The following KCNIP4 variants were observed in gnomAD, a reference collection of about 807,000 sequenced individuals.
KCNIP4 encodes potassium voltage-gated channel interacting protein 4.
KCNIP4 carries 12 observed loss-of-function variants against 34.0 expected under a neutral mutation model. The ratio of observed to expected loss-of-function variants is 0.35; its 90% CI spans 0.23 to 0.57. The LOEUF is 0.57. Among genes scored for constraint, KCNIP4 ranks in the 20% least tolerant of loss-of-function variants. KCNIP4 has a pLI of 0.83. For synonymous variants in KCNIP4, 124 were observed against 102.2 expected (o/e 1.21, Z -1.29); for missense variants, 238 against 311.7 (o/e 0.76, Z 1.78).
At chr4:21,580,902 T>C (rs1380582344) in intron 1 of KCNIP4, among the ~76,000 whole-genome samples, 3 of 152,068 alleles carry the variant, frequency 2.0e-5, no homozygotes, top group Non-Finnish European at 4.4e-5. Flanking sequence ...TCTCCTTTTG[T>C]AAGGATATGT....
intron 1 of KCNIP4, among the ~76,000 whole-genome samples, chr4:20,965,438 G>T: frequency 6.6e-6 from 1 of 152,128 alleles, no homozygotes; most frequent in Non-Finnish European, 1.5e-5. Context: ...AACTGTCGTG[G>T]TACAAGGTCT....
At chr4:21,345,111 T>C (rs1316172938) in intron 1 of KCNIP4, among the ~76,000 whole-genome samples, 1 of 152,034 alleles carries the variant, frequency 6.6e-6, no homozygotes, top group Non-Finnish European at 1.5e-5. Context: ...CACTTCTGAG[T>C]TTAGGTTATA....
chr4:21,708,945 G>A (rs1415415596), intron 1 of KCNIP4, among the ~76,000 whole-genome samples: 2 of 152,032 alleles, frequency 1.3e-5, no homozygotes, highest in Non-Finnish European at 2.9e-5. Context: ...TTCGAATTCA[G>A]CATGCTATTT....
intron 1 of KCNIP4, among the ~76,000 whole-genome samples, chr4:21,503,814 T>C (rs1487976036): frequency 6.6e-6 from 1 of 152,216 alleles, no homozygotes; most frequent in Non-Finnish European, 1.5e-5. Context: ...TTGATCAAGC[T>C]ATGCTTCATA....
intron 1 of KCNIP4, among the ~76,000 whole-genome samples, chr4:21,103,831 G>A (rs527706407): frequency 6.1e-5 from 9 of 148,548 alleles, no homozygotes; most frequent in Non-Finnish European, 8.9e-5. Flanking sequence ...GAGAACATGC[G>A]GTGTTTGGTT....
intron 1 of KCNIP4, among the ~76,000 whole-genome samples, chr4:21,352,168 C>T (rs1718070756): frequency 6.6e-6 from 1 of 152,152 alleles, no homozygotes; most frequent in African/African-American, 2.4e-5. Context: ...TCCAAGATGG[C>T]CAAATAGAAA....
intron 1 of KCNIP4, among the ~76,000 whole-genome samples, chr4:20,974,887 T>A (rs1441543536): frequency 6.6e-6 from 1 of 152,216 alleles, no homozygotes; most frequent in Non-Finnish European, 1.5e-5. Flanking sequence ...TAATAATAGG[T>A]ATGATGACTA....
intron 3 of KCNIP4, among the ~76,000 whole-genome samples, chr4:20,777,580 AC>A (rs1756481208): frequency 6.6e-6 from 1 of 152,154 alleles, no homozygotes; most frequent in Admixed American, 6.5e-5. Flanking sequence ...TTTACCAGTA[AC>A]CAAATCTGTC....
intron 1 of KCNIP4, among the ~76,000 whole-genome samples, chr4:21,181,358 G>T (rs1172569197): frequency 2.0e-5 from 3 of 152,040 alleles, no homozygotes; most frequent in Non-Finnish European, 4.4e-5. Context: ...CATTAAAGCT[G>T]CAGCTTCTCT....
intron 1 of KCNIP4, among the ~76,000 whole-genome samples, chr4:21,092,538 G>A (rs1304250564): frequency 1.3e-5 from 2 of 152,206 alleles, no homozygotes; most frequent in African/African-American, 2.4e-5. Flanking sequence ...GCCCTGAAAT[G>A]AGAGCCATTT....
At chr4:21,060,042 T>C (rs757944267) in intron 1 of KCNIP4, among the ~76,000 whole-genome samples, 13 of 152,270 alleles carry the variant, frequency 8.5e-5, no homozygotes, top group African/African-American at 2.9e-4. Flanking sequence ...CCTAAAAAGA[T>C]TGGAGATTTG....
chr4:21,538,593 C>A (rs1339101203), intron 1 of KCNIP4, among the ~76,000 whole-genome samples: 1 of 152,110 alleles, frequency 6.6e-6, no homozygotes, highest in African/African-American at 2.4e-5. Flanking sequence ...CATGGGGTTC[C>A]CAGTATTTCC....
intron 1 of KCNIP4, among the ~76,000 whole-genome samples, chr4:21,196,890 T>C (rs1302477734): frequency 6.6e-6 from 1 of 152,180 alleles, no homozygotes; most frequent in Non-Finnish European, 1.5e-5. Flanking sequence ...TAACCACCAA[T>C]CATTTTAAGA....
chr4:21,118,988 C>A (rs1244710481), intron 1 of KCNIP4, among the ~76,000 whole-genome samples: 3 of 152,132 alleles, frequency 2.0e-5, no homozygotes, highest in African/African-American at 7.2e-5. Flanking sequence ...ATCACGCCAT[C>A]CATTGAGTTT....
chr4:21,288,171 A>G (rs1451045328), intron 1 of KCNIP4, among the ~76,000 whole-genome samples: 1 of 152,174 alleles, frequency 6.6e-6, no homozygotes, highest in African/African-American at 2.4e-5. Flanking sequence ...AGACACATGC[A>G]CACACACATC....
intron 1 of KCNIP4, among the ~76,000 whole-genome samples, chr4:21,133,467 T>A (rs374957605): frequency 6.6e-6 from 1 of 152,258 alleles, no homozygotes; most frequent in African/African-American, 2.4e-5. Flanking sequence ...GCAACTCTTG[T>A]TTTCTTAAAC....
chr4:21,256,820 A>G (rs1761092357), intron 1 of KCNIP4, among the ~76,000 whole-genome samples: 1 of 152,170 alleles, frequency 6.6e-6, no homozygotes, highest in Non-Finnish European at 1.5e-5. Flanking sequence ...ACTTATGTCC[A>G]CCTTAGTAGC....
intron 1 of KCNIP4, among the ~76,000 whole-genome samples, chr4:20,943,914 G>T (rs1317310288): frequency 1.3e-5 from 2 of 152,156 alleles, no homozygotes; most frequent in East Asian, 1.9e-4. Flanking sequence ...AGAGCACAAG[G>T]AAGACTATGA....
chr4:21,361,916 A>G (rs992424263), intron 1 of KCNIP4, among the ~76,000 whole-genome samples: 3 of 152,094 alleles, frequency 2.0e-5, no homozygotes, highest in Admixed American at 6.6e-5. Flanking sequence ...GTGAGCTCCA[A>G]ATTCTTCCTT....
Sources: allele counts gnomAD v4.1 joint callset (sites outside exome capture counted in the v4.1 genomes callset), GRCh38; gene constraint gnomAD v4.1.1; transcripts MANE v1.5; gene names NCBI Gene and HGNC (gene_info 2026-07-23, HGNC 2026-07-21).